AGBL4: variants seen among roughly 807,000 people sequenced by gnomAD.
AGBL4 encodes cytosolic carboxypeptidase 6.
A neutral mutation model predicts 66.4 loss-of-function variants in AGBL4; 58 were observed. That is an observed-to-expected ratio of 0.87 (90% confidence interval 0.71 to 1.09). The LOEUF is 1.09. AGBL4 is among the 50% of genes least tolerant of loss of function. The probability of loss-of-function intolerance (pLI) is 0.00; values close to 1 mark genes in which losing one functional copy is unlikely to be tolerated. For synonymous variants in AGBL4, 234 were observed against 222.9 expected (o/e 1.05, Z -0.44); for missense variants, 579 against 631.0 (o/e 0.92, Z 0.88).
At chr1:48,917,660 T>C (rs1653706756) in intron 5 of AGBL4, among the ~76,000 whole-genome samples, 1 of 152,216 alleles carries the variant, frequency 6.6e-6, no homozygotes, top group Non-Finnish European at 1.5e-5. Context: ...TCTCACAGAT[T>C]TATATCAACA....
chr1:49,863,909 C>T (rs1646637592), intron 1 of AGBL4, among the ~76,000 whole-genome samples: 1 of 152,160 alleles, frequency 6.6e-6, no homozygotes, highest in African/African-American at 2.4e-5. Flanking sequence ...CCATATGATC[C>T]AGCAATCCCA....
At chr1:48,733,773 C>A (rs1466448717) in intron 6 of AGBL4, among the ~76,000 whole-genome samples, 2 of 152,136 alleles carry the variant, frequency 1.3e-5, no homozygotes, top group African/African-American at 4.8e-5. Flanking sequence ...CAAGAAATCA[C>A]ACAAAATTTG....
At chr1:49,736,354 A>G (rs978363040) in intron 2 of AGBL4, among the ~76,000 whole-genome samples, 1 of 152,098 alleles carries the variant, frequency 6.6e-6, no homozygotes, top group African/African-American at 2.4e-5. Flanking sequence ...TTTTTGTCTT[A>G]AAAAATTTAA....
At chr1:49,898,936 T>G (rs979387137) in intron 1 of AGBL4, among the ~76,000 whole-genome samples, 2 of 152,020 alleles carry the variant, frequency 1.3e-5, no homozygotes, top group African/African-American at 4.8e-5. Context: ...ACTGAACTCA[T>G]GGAGACAGAG....
At chr1:49,739,583 A>C (rs1425309084) in intron 2 of AGBL4, among the ~76,000 whole-genome samples, 1 of 152,180 alleles carries the variant, frequency 6.6e-6, no homozygotes, top group East Asian at 1.9e-4. Flanking sequence ...CAAGAAGAGC[A>C]ACTCCAAGAC....
At chr1:49,587,472 C>T (rs997988455) in intron 3 of AGBL4, among the ~76,000 whole-genome samples, 1 of 152,074 alleles carries the variant, frequency 6.6e-6, no homozygotes, top group Non-Finnish European at 1.5e-5. Flanking sequence ...TTTTATTCAC[C>T]TCTGTATCAC....
At chr1:49,735,365 T>G (rs1364675446) in intron 2 of AGBL4, among the ~76,000 whole-genome samples, 1 of 150,600 alleles carries the variant, frequency 6.6e-6, no homozygotes, top group Non-Finnish European at 1.5e-5. Flanking sequence ...TAAGATGCTA[T>G]TCTTGTGCCT....
At chr1:48,923,917 G>A (rs1448339173) in intron 5 of AGBL4, among the ~76,000 whole-genome samples, 3 of 152,098 alleles carry the variant, frequency 2.0e-5, no homozygotes, top group African/African-American at 7.2e-5. Flanking sequence ...AGAGTACATA[G>A]GTACTGAGAG....
chr1:48,948,018 C>T (rs1241206606), intron 5 of AGBL4, among the ~76,000 whole-genome samples: 1 of 151,824 alleles, frequency 6.6e-6, no homozygotes, highest in Admixed American at 6.6e-5. Flanking sequence ...TAGAAACATA[C>T]GTAGGTGAAA....
Position 49,084,886 on chromosome 1 carries a change from A to C in AGBL4, c.378-39086T>G, listed in dbSNP as rs113338166. Among the ~76,000 whole-genome samples, 1,168 of 152,262 alleles carry C rather than the reference A, an allele frequency of 7.7e-3. 18 individuals are homozygous for C. The highest frequency in any genetic ancestry group is 0.027 in the African/African-American group (1,106 of 41,534). On this transcript the variant is annotated intron_variant, in intron 4 of 13. Coordinates refer to ENST00000371839, the MANE Select transcript of AGBL4 (RefSeq NM_032785.4). ...TCAGCAATTAAGTGATGGGTCTGAG[A>C]CCGTCATGTTGTCCTTTTTGACTCC...
At chr1:49,555,385 G>C (rs1160032362) in intron 3 of AGBL4, among the ~76,000 whole-genome samples, 1 of 151,400 alleles carries the variant, frequency 6.6e-6, no homozygotes, top group African/African-American at 2.4e-5. Context: ...CCTTTAGCTA[G>C]ACACAAAAGT....
intron 3 of AGBL4, among the ~76,000 whole-genome samples, chr1:49,250,806 C>T (rs901732705): frequency 3.3e-5 from 5 of 152,118 alleles, no homozygotes; most frequent in Non-Finnish European, 4.4e-5. Context: ...CTACCAGCCT[C>T]TGGAACTCTG....
intron 4 of AGBL4, among the ~76,000 whole-genome samples, chr1:49,054,116 C>T (rs978074573): frequency 1.3e-5 from 2 of 152,052 alleles, no homozygotes; most frequent in Non-Finnish European, 2.9e-5. Context: ...ATTTACATGA[C>T]TATTTTAAAA....
At chr1:49,245,569 G>A (rs1464915445) in intron 4 of AGBL4, among the ~76,000 whole-genome samples, 2 of 151,778 alleles carry the variant, frequency 1.3e-5, no homozygotes, top group African/African-American at 2.4e-5. Flanking sequence ...TGGCCATACA[G>A]AAACTCATCC....
intron 6 of AGBL4, among the ~76,000 whole-genome samples, chr1:48,847,098 C>T (rs1209663594): frequency 3.3e-5 from 5 of 151,922 alleles, no homozygotes; most frequent in Non-Finnish European, 1.5e-5. Context: ...GTTGGGAGTT[C>T]GAGACCAGCC....
chr1:49,788,213 A>G (rs1644508031), intron 2 of AGBL4, among the ~76,000 whole-genome samples: 1 of 152,212 alleles, frequency 6.6e-6, no homozygotes, highest in Admixed American at 6.5e-5. Context: ...CCCAAGTTAC[A>G]GACACTTGGA....
rs1250001574 is a variant in AGBL4 at position 48,905,257 on chromosome 1, C to A, written c.595-38027G>T. Reference sequence around the variant, plus strand: ...TACAACAAGAGGGAAGCAAAAAGCACAGTTTCCAAGAAGTTTATTTGTATG... The same window carrying A: ...TACAACAAGAGGGAAGCAAAAAGCAAAGTTTCCAAGAAGTTTATTTGTATG... On this transcript the variant is annotated intron_variant, in intron 5 of 13. Transcript: ENST00000371839. 2.0e-5 allele frequency among the ~76,000 whole-genome samples: 3 copies of A among 152,198 alleles called. No homozygotes were observed. In the South Asian group the frequency reaches 6.2e-4, roughly 31 times the overall value.
chr1:49,418,528 T>C (rs1362150632), intron 3 of AGBL4, among the ~76,000 whole-genome samples: 12 of 152,132 alleles, frequency 7.9e-5, no homozygotes, highest in Non-Finnish European at 1.3e-4. Flanking sequence ...TAAAAGAACA[T>C]GTAACAACAA....
At chr1:48,852,972 T>C (rs1185692689) in intron 6 of AGBL4, among the ~76,000 whole-genome samples, 2 of 152,230 alleles carry the variant, frequency 1.3e-5, no homozygotes, top group African/African-American at 2.4e-5. Flanking sequence ...ATTCACATCC[T>C]TGTCTAGTTT....
Sources: allele counts gnomAD v4.1 joint callset (sites outside exome capture counted in the v4.1 genomes callset), GRCh38; gene constraint gnomAD v4.1.1; transcripts MANE v1.5; gene names NCBI Gene and HGNC (gene_info 2026-07-23, HGNC 2026-07-21).